ELMOD1: variants seen among roughly 807,000 people sequenced by gnomAD.
The protein encoded by ELMOD1 is ELMO domain containing 1, also known as ELMO domain-containing protein 1.
In ELMOD1, 21 loss-of-function variants were observed where a neutral mutation model predicts 46.7. The ratio of observed to expected loss-of-function variants is 0.45; its 90% CI spans 0.32 to 0.65. The LOEUF (loss-of-function observed/expected upper bound fraction) is 0.65, where lower values mean the gene tolerates loss of function less well. Among genes scored for constraint, ELMOD1 ranks in the 30% least tolerant of loss-of-function variants. ELMOD1 has a pLI of 0.04. For missense variants in ELMOD1, 348 were observed against 407.8 expected, an observed-to-expected ratio of 0.85 and a Z score of 1.26; for synonymous variants, 122 against 138.2, an observed-to-expected ratio of 0.88 and a Z score of 0.82.
In ELMOD1 at chr11:107,665,068, C is replaced by A; in HGVS notation, c.876C>A (p.Asp292Glu). The A allele has an allele frequency of 6.2e-7, 1 of 1,613,690 alleles. No individual in the cohort carries two copies. Among genetic ancestry groups the A allele is most frequent in the Non-Finnish European group, 8.5e-7 (1 of 1,179,792 alleles). ...HEFHKFWIEE[D>E]PMDIMEFNRV... The stretch of plus-strand genomic sequence containing the variant: ...TTCATAAGTTTTGGATCGAAGAGGA[C>A]CCCATGGACATAATGGAATTTAATC... Residue 292 changes from aspartate to glutamate, a missense_variant, in exon 12 of 12, where the codon GAC (aspartate) becomes GAA (glutamate). Coordinates refer to ENST00000265840, the MANE Select transcript of ELMOD1 (RefSeq NM_018712.4).
At chr11:107,651,043 T>C (rs905307978) in intron 9 of ELMOD1, 135 bp downstream of exon 9, 8 of 483,336 alleles carry the variant, frequency 1.7e-5, no homozygotes, top group Non-Finnish European at 2.6e-5. Flanking sequence ...TCTAATATAG[T>C]TAATTATAGC....
intron 11 of ELMOD1, among the ~76,000 whole-genome samples, chr11:107,663,772 A>G (rs776891945): frequency 1.3e-5 from 2 of 152,220 alleles, no homozygotes; most frequent in Non-Finnish European, 2.9e-5. Flanking sequence ...GTTACTAGAA[A>G]AACAAAAAGT....
At chr11:107,599,244 T>A (rs957484647) in intron 1 of ELMOD1, among the ~76,000 whole-genome samples, 2 of 152,190 alleles carry the variant, frequency 1.3e-5, no homozygotes, top group Non-Finnish European at 2.9e-5. Flanking sequence ...AAATAAATAC[T>A]GCATTTCATC....
At chr11:107,652,930 A>T (rs1274233568) in intron 9 of ELMOD1, among the ~76,000 whole-genome samples, 1 of 152,174 alleles carries the variant, frequency 6.6e-6, no homozygotes, top group Non-Finnish European at 1.5e-5. Flanking sequence ...TTCTAGTTAG[A>T]TAGAGAGAAA....
chr11:107,631,405 C>CG (rs1415341195), intron 4 of ELMOD1, among the ~76,000 whole-genome samples, 175 bp from the exon 5 acceptor site: 1 of 147,758 alleles, frequency 6.8e-6, no homozygotes, highest in Non-Finnish European at 1.5e-5. Flanking sequence ...CTACCCCCCC[C>CG]CCCATCGTGA....
intron 1 of ELMOD1, among the ~76,000 whole-genome samples, chr11:107,595,116 C>T (rs1480559984): frequency 2.0e-5 from 3 of 151,252 alleles, no homozygotes; most frequent in African/African-American, 7.3e-5. Context: ...ACTGATAATA[C>T]AATGTCGTTC....
intron 6 of ELMOD1, among the ~76,000 whole-genome samples, chr11:107,644,594 C>T (rs1360573447): frequency 6.6e-6 from 1 of 152,000 alleles, no homozygotes. Context: ...CCTGCCTCAG[C>T]CTCCCGAGTA....
chr11:107,655,604 G>A (rs981496374), intron 10 of ELMOD1, among the ~76,000 whole-genome samples: 7 of 77,162 alleles, frequency 9.1e-5, no homozygotes, highest in South Asian at 6.6e-4. Context: ...GTGAAAGCAC[G>A]TTTACTAAGA....
At chr11:107,636,269 G>A (rs1181434272) in intron 6 of ELMOD1, among the ~76,000 whole-genome samples, 1 of 152,156 alleles carries the variant, frequency 6.6e-6, no homozygotes, top group East Asian at 1.9e-4. Context: ...TGGCACACTA[G>A]AACTTCTGGA....
chr11:107,592,416 T>G (rs376359697), intron 1 of ELMOD1: 50 of 534,488 alleles, frequency 9.4e-5, no homozygotes, highest in African/African-American at 7.3e-4. Flanking sequence ...ATCCAGGCAT[T>G]GTTCTGCATC....
intron 2 of ELMOD1, among the ~76,000 whole-genome samples, chr11:107,618,469 G>A (rs924471150): frequency 1.3e-5 from 2 of 152,206 alleles, no homozygotes; most frequent in African/African-American, 4.8e-5. Flanking sequence ...CAGCCCTGGT[G>A]CCATGTGTCT....
rs1866140920 is a variant in ELMOD1, at chr11:107,631,568, C to T, written c.193-12C>T. 9 of 1,524,228 alleles carry T rather than the reference C, an allele frequency of 5.9e-6. No individual in the cohort carries two copies. The African/African-American group carries it at 8.3e-5, about 14-fold the overall frequency. 94.4% of individuals were successfully genotyped at this position (1,524,228 alleles called of 1,614,324 possible). A position where few individuals can be genotyped will look rare whatever the true frequency, so the allele number is the denominator to read the frequency against. Reference sequence around the variant, plus strand: ...TTAATGAAAAGGAAAGTGATTAAAACATGTTTTCCAGCTGTTGCAGACTTC... The same window carrying T: ...TTAATGAAAAGGAAAGTGATTAAAATATGTTTTCCAGCTGTTGCAGACTTC... On this transcript the variant is annotated splice_polypyrimidine_tract_variant and intron_variant, in intron 4 of 11. Coordinates refer to ENST00000265840, the MANE Select transcript of ELMOD1 (RefSeq NM_018712.4).
At chr11:107,645,995 G>A (rs1866421036) in intron 6 of ELMOD1, among the ~76,000 whole-genome samples, 1 of 152,110 alleles carries the variant, frequency 6.6e-6, no homozygotes, top group East Asian at 1.9e-4. Flanking sequence ...TTGTAATGTA[G>A]AATAAGCAAT....
intron 6 of ELMOD1, among the ~76,000 whole-genome samples, chr11:107,642,672 T>C (rs1565384782): frequency 6.6e-6 from 1 of 152,214 alleles, no homozygotes; most frequent in Non-Finnish European, 1.5e-5. Flanking sequence ...GCAATACTAA[T>C]CTTATTTAAA....
chr11:107,630,602 G>A (rs1267052372), intron 3 of ELMOD1, 40 bp downstream of exon 3: 2 of 1,606,036 alleles, frequency 1.2e-6, no homozygotes, highest in Admixed American at 1.7e-5. Flanking sequence ...GGTAGAGTTG[G>A]TATGATGGAA....
At chr11:107,626,662 T>TTCCC (rs1200606301) in intron 2 of ELMOD1, among the ~76,000 whole-genome samples, 2 of 148,438 alleles carry the variant, frequency 1.3e-5, no homozygotes, top group Admixed American at 6.8e-5. Context: ...TTCTTTTTCT[T>TTCCC]TCTTTCTTTC....
chr11:107,625,626 C>G (rs1591116878), intron 2 of ELMOD1: 1 of 935,788 alleles, frequency 1.1e-6, no homozygotes, highest in Non-Finnish European at 1.3e-6. Flanking sequence ...ATGGATTCCT[C>G]TAACAAAGCG....
At position 107,594,209 on chromosome 11, in the gene ELMOD1, C is replaced by T. The variant is rs138521075; in HGVS notation, c.-86+2800C>T. ...GGGCAGCTGTAGTCAGGGAGTGAGA[C>T]GCCTAGCAGTTTTGACAGGGCTGGC... On this transcript the variant is annotated intron_variant, in intron 1 of 11. Transcript: ENST00000265840. 6.9e-3 allele frequency among the ~76,000 whole-genome samples: 1,041 copies of T among 151,628 alleles called. 8 individuals are homozygous for T. The highest frequency in any genetic ancestry group is 0.023 in the African/African-American group (963 of 41,280).
intron 7 of ELMOD1, among the ~76,000 whole-genome samples, chr11:107,649,658 G>C (rs138141306): frequency 2.6e-4 from 40 of 152,186 alleles, no homozygotes; most frequent in African/African-American, 9.2e-4. Flanking sequence ...TTCCTGAGAG[G>C]AAATTCAAGA....
Sources: gnomAD v4.1 joint callset for allele counts (sites outside exome capture counted in the v4.1 genomes callset) on GRCh38, gnomAD v4.1.1 for gene constraint, MANE v1.5 for transcripts, NCBI Gene and HGNC (gene_info 2026-07-23, HGNC 2026-07-21) for gene names.